Variants in SLC25A48 observed in about 807,000 individuals in gnomAD.
The protein encoded by SLC25A48 is CTC-321K16.1.
Under a neutral mutation model 32.2 loss-of-function variants are expected in SLC25A48, and 29 were observed. That is an observed-to-expected ratio of 0.90 (90% CI 0.67 to 1.23). The LOEUF (loss-of-function observed/expected upper bound fraction) is 1.23, where lower values mean the gene tolerates loss of function less well. SLC25A48 is among the 50% of genes most tolerant of loss of function. SLC25A48 has a pLI of 0.00. For synonymous variants in SLC25A48, 164 were observed against 172.3 expected (o/e 0.95, Z 0.38); for missense variants, 399 against 422.7 (o/e 0.94, Z 0.49).
At chr5:135,610,932 G>A (rs1308629191) in intron 1 of SLC25A48, among the ~76,000 whole-genome samples, 1 of 152,132 alleles carries the variant, frequency 6.6e-6, no homozygotes, top group Non-Finnish European at 1.5e-5. Context: ...TTTGACATTA[G>A]CAAGACATGA....
chr5:135,748,403 A>C (rs988519083), intron 3 of SLC25A48, among the ~76,000 whole-genome samples: 1 of 151,946 alleles, frequency 6.6e-6, no homozygotes, highest in Admixed American at 6.6e-5. Flanking sequence ...CCTCCCAAGT[A>C]GCTGGGACTC....
intron 3 of SLC25A48, among the ~76,000 whole-genome samples, chr5:135,651,591 C>G (rs1018803413): frequency 1.3e-5 from 2 of 152,198 alleles, no homozygotes; most frequent in Admixed American, 1.3e-4. Context: ...AATCTCAGCC[C>G]TAGGGGTAGT....
intron 3 of SLC25A48, among the ~76,000 whole-genome samples, chr5:135,708,404 C>T (rs1754572303): frequency 1.3e-5 from 2 of 152,202 alleles, no homozygotes; most frequent in African/African-American, 4.8e-5. Context: ...GTATCTCTCT[C>T]TTCCCCATGT....
intron 3 of SLC25A48, among the ~76,000 whole-genome samples, chr5:135,810,105 T>G (rs543267494): frequency 6.6e-6 from 1 of 152,160 alleles, no homozygotes; most frequent in Non-Finnish European, 1.5e-5. Flanking sequence ...CCCAAAGTGC[T>G]GAGATTACAG....
At chr5:135,675,072 C>G (rs552561188) in intron 3 of SLC25A48, among the ~76,000 whole-genome samples, 12 of 152,192 alleles carry the variant, frequency 7.9e-5, no homozygotes, top group Middle Eastern at 6.8e-3. Context: ...GATGATACCT[C>G]ATTGTGGCTT....
intron 3 of SLC25A48, among the ~76,000 whole-genome samples, chr5:135,754,432 G>A (rs995751202): frequency 1.3e-5 from 2 of 151,806 alleles, no homozygotes; most frequent in Non-Finnish European, 1.5e-5. Context: ...GAGTGTTTAT[G>A]CTGTGATATT....
chr5:135,671,093 G>A (rs983978204), intron 3 of SLC25A48, among the ~76,000 whole-genome samples: 4 of 152,222 alleles, frequency 2.6e-5, no homozygotes, highest in African/African-American at 9.6e-5. Flanking sequence ...GTGCCCAGGA[G>A]CTAGCTGGCT....
At chr5:135,632,476 G>A (rs544885460) in intron 2 of SLC25A48, among the ~76,000 whole-genome samples, 39 of 152,284 alleles carry the variant, frequency 2.6e-4, no homozygotes, top group Middle Eastern at 3.4e-3. Flanking sequence ...CTCAGGGATT[G>A]ATTATGAAGT....
At chr5:135,776,217 C>G (rs1048506352) in intron 3 of SLC25A48, among the ~76,000 whole-genome samples, 1 of 147,160 alleles carries the variant, frequency 6.8e-6, no homozygotes, top group Non-Finnish European at 1.5e-5. Context: ...ATATTACTGT[C>G]AATATCTCAA....
At chr5:135,688,036 C>G (rs921630276) in intron 3 of SLC25A48, among the ~76,000 whole-genome samples, 1 of 6,892 alleles carries the variant, frequency 1.5e-4, no homozygotes, top group African/African-American at 5.4e-4. Flanking sequence ...TTGTAATTCA[C>G]CCCTTCCCCA....
At chr5:135,848,308 G>T (rs565464759) in intron 2 of SLC25A48, among the ~76,000 whole-genome samples, 14 of 152,218 alleles carry the variant, frequency 9.2e-5, no homozygotes, top group African/African-American at 3.4e-4. Context: ...CACTTTCCAG[G>T]GACAGCCCTG....
At chr5:135,738,112 T>C (rs1047979341) in intron 3 of SLC25A48, among the ~76,000 whole-genome samples, 2 of 152,200 alleles carry the variant, frequency 1.3e-5, no homozygotes, top group African/African-American at 4.8e-5. Flanking sequence ...CTCCATGCCC[T>C]TCCTTCAGGG....
intron 3 of SLC25A48, among the ~76,000 whole-genome samples, chr5:135,640,115 A>C (rs1481784218): frequency 1.3e-5 from 2 of 152,232 alleles, no homozygotes; most frequent in Non-Finnish European, 2.9e-5. Flanking sequence ...GAAAAGCACA[A>C]TATCTAAAAT....
Position 135,852,550 on chromosome 5 carries a change from G to C in SLC25A48, c.163-13G>C, listed in dbSNP as rs1484105732. 2 of 1,586,056 alleles carry C rather than the reference G, an allele frequency of 1.3e-6. No homozygotes were observed. Among genetic ancestry groups the C allele is most frequent in the Non-Finnish European group, 1.7e-6 (2 of 1,159,536 alleles). ...GGGGTCCTCACGCCTCTTCCTTCTG[G>C]TTTTCACTGCAGATGTTCGGCTTCT... On this transcript the variant is annotated splice_polypyrimidine_tract_variant and intron_variant, in intron 3 of 7. Coordinates refer to ENST00000681962, the MANE Select transcript of SLC25A48 (RefSeq NM_001349336.2).
intron 7 of SLC25A48, among the ~76,000 whole-genome samples, chr5:135,885,412 A>T (rs1050598953): frequency 2.0e-5 from 3 of 151,644 alleles, no homozygotes; most frequent in African/African-American, 7.3e-5. Context: ...GGACACTCTT[A>T]CCCCCAGCAT....
Position 135,793,825 on chromosome 5 carries a change from G to A in SLC25A48, c.-520-18698G>A, listed in dbSNP as rs143540525. On this transcript the variant is annotated intron_variant, in intron 3 of 10. Transcript: ENST00000646290. ...ATATCACAGTAGGTTTACGCCATGT[G>A]TGTACACTCTGGGATATTATTTGTA... 2.2e-3 allele frequency among the ~76,000 whole-genome samples: 335 copies of A among 151,668 alleles called. 2 individuals are homozygous for A. The highest frequency in any genetic ancestry group is 7.7e-3 in the African/African-American group (317 of 41,360).
intron 1 of SLC25A48, among the ~76,000 whole-genome samples, chr5:135,584,093 C>T (rs1414425531): frequency 6.6e-6 from 1 of 152,180 alleles, no homozygotes; most frequent in African/African-American, 2.4e-5. Context: ...TTAAAGCAGC[C>T]CCGAGGCAGA....
chr5:135,722,830 C>T (rs890157862), intron 3 of SLC25A48, among the ~76,000 whole-genome samples: 1 of 152,256 alleles, frequency 6.6e-6, no homozygotes, highest in Non-Finnish European at 1.5e-5. Flanking sequence ...CCCTGGTGTC[C>T]GGTCAGGTTG....
intron 1 of SLC25A48, 71 bp from the exon 2 acceptor site, chr5:135,842,345 T>C (rs750858330): frequency 6.5e-7 from 1 of 1,534,372 alleles, no homozygotes; most frequent in Non-Finnish European, 9.0e-7. Flanking sequence ...GCCTGTTTTG[T>C]CCCAAGAGCT....
Sources: gnomAD v4.1 joint callset for allele counts (sites outside exome capture counted in the v4.1 genomes callset) on GRCh38, gnomAD v4.1.1 for gene constraint, MANE v1.5 for transcripts, NCBI Gene and HGNC (gene_info 2026-07-23, HGNC 2026-07-21) for gene names.